The following PCDHA5 variants were observed in gnomAD, a reference collection of about 807,000 sequenced individuals.
PCDHA5 encodes the protein protocadherin alpha-5.
PCDHA5 carries 43 observed loss-of-function variants against 61.6 expected under a neutral mutation model. The observed-to-expected ratio is 0.70, with a 90% CI of 0.55 to 0.90. The LOEUF is 0.90. PCDHA5 is among the 40% of genes least tolerant of loss of function. The pLI is 0.00. For synonymous variants in PCDHA5, 627 were observed against 543.9 expected (o/e 1.15, Z -2.13); for missense variants, 1,298 against 1,222.7 (o/e 1.06, Z -0.92).
chr5:140,872,346 G>A (rs2053606612), intron 1 of PCDHA5, among the ~76,000 whole-genome samples: 1 of 152,022 alleles, frequency 6.6e-6, no homozygotes, highest in Admixed American at 6.6e-5. Context: ...ACATGTTCTT[G>A]CCAGGCAAAG....
chr5:140,833,120 T>G (rs1772308754), intron 1 of PCDHA5, among the ~76,000 whole-genome samples: 3 of 152,202 alleles, frequency 2.0e-5, no homozygotes, highest in Non-Finnish European at 4.4e-5. Context: ...TCAAAGTCAT[T>G]TGAAAGCTGT....
In PCDHA5 at chr5:140,857,092, G is replaced by A; in HGVS notation, c.2352+32965G>A. On this transcript the variant is annotated intron_variant, in intron 1 of 3. Coordinates refer to ENST00000529859, the MANE Select transcript of PCDHA5 (RefSeq NM_018908.3). ...TGGATGAAAATGATAATTCACCTGA[G>A]GTGATTGTCACTTCTCTGTCTCTCC... 5 of 1,597,300 alleles carry A rather than the reference G, an allele frequency of 3.1e-6. 1 individual carries two copies. Among genetic ancestry groups the A allele is most frequent in the Non-Finnish European group, 4.3e-6 (5 of 1,166,936 alleles).
chr5:140,914,590 T>C (rs886666163), intron 1 of PCDHA5, among the ~76,000 whole-genome samples: 1 of 152,208 alleles, frequency 6.6e-6, no homozygotes, highest in African/African-American at 2.4e-5. Flanking sequence ...TTCATTTAAG[T>C]AGGAACTTCC....
chr5:140,960,395 AG>A (rs562972971), intron 1 of PCDHA5, among the ~76,000 whole-genome samples: 1 of 152,150 alleles, frequency 6.6e-6, no homozygotes, highest in African/African-American at 2.4e-5. Context: ...TTAGGATGCA[AG>A]GGGGGGTGCC....
chr5:140,985,498 C>G (rs540282855), intron 3 of PCDHA5, among the ~76,000 whole-genome samples: 2 of 152,274 alleles, frequency 1.3e-5, no homozygotes, highest in African/African-American at 4.8e-5. Flanking sequence ...ATAGAGCCTG[C>G]CTTTCATTGA....
intron 1 of PCDHA5, chr5:140,828,674 T>C: frequency 6.2e-7 from 1 of 1,614,218 alleles, no homozygotes; most frequent in Non-Finnish European, 8.5e-7. Context: ...AATTGGGCTC[T>C]TATTAAAGAA....
At position 140,883,390 on chromosome 5, in the gene PCDHA5, G is replaced by A. The variant is rs373348994; in HGVS notation, c.2352+59263G>A. The A allele has an allele frequency of 2.5e-6, 4 of 1,614,050 alleles. No homozygotes were observed. The African/African-American group carries it at 5.3e-5, about 22-fold the overall frequency. ...GCGCCATTATTGCCCTAATCAGTGT[G>A]TCCGATCGTGACTCTGGCTCAAATG... is the stretch of plus-strand genomic sequence containing the variant. On this transcript the variant is annotated intron_variant, in intron 1 of 3. Coordinates refer to ENST00000529859, the MANE Select transcript of PCDHA5 (RefSeq NM_018908.3).
intron 1 of PCDHA5, chr5:140,829,202 C>T (rs2150163765): frequency 5.0e-6 from 8 of 1,614,106 alleles, no homozygotes; most frequent in Non-Finnish European, 3.4e-6. Context: ...TGTCATCGCC[C>T]TAATTAGCGT....
chr5:140,947,645 A>G (rs1373528004), intron 1 of PCDHA5, among the ~76,000 whole-genome samples: 2 of 151,670 alleles, frequency 1.3e-5, no homozygotes, highest in African/African-American at 2.4e-5. Flanking sequence ...GTATGAACAT[A>G]TATACCTCCA....
intron 1 of PCDHA5, among the ~76,000 whole-genome samples, chr5:140,901,632 G>A (rs768343428): frequency 6.6e-5 from 10 of 152,172 alleles, no homozygotes; most frequent in Non-Finnish European, 1.3e-4. Flanking sequence ...GTCAGGTAAT[G>A]TGATTCTTCC....
rs546510910 is a variant in PCDHA5, at chr5:140,894,996, C to G, written c.2352+70869C>G. ...GTCTTACTTTGTGACATCCTTTACC[C>G]TTTTTACTTGGACCTTTTTCCTTTG... is the stretch of plus-strand genomic sequence containing the variant. On this transcript the variant is annotated intron_variant, in intron 1 of 3. Transcript: ENST00000529859. Among the ~76,000 whole-genome samples, 5 of 152,204 alleles carry G rather than the reference C, an allele frequency of 3.3e-5. No homozygotes were observed. The East Asian group carries it at 9.6e-4, about 29-fold the overall frequency.
At chr5:140,896,019 C>A (rs2065310725) in intron 1 of PCDHA5, among the ~76,000 whole-genome samples, 1 of 152,144 alleles carries the variant, frequency 6.6e-6, no homozygotes, top group African/African-American at 2.4e-5. Flanking sequence ...CCATGTTGGC[C>A]AGGCTGGTCT....
intron 1 of PCDHA5, chr5:140,875,562 G>A (rs2055601257): frequency 6.2e-7 from 1 of 1,614,120 alleles, no homozygotes; most frequent in Non-Finnish European, 8.5e-7. Context: ...GGAGCGGCCA[G>A]CTCCACTACT....
At chr5:140,986,052 C>A (rs896963006) in intron 3 of PCDHA5, among the ~76,000 whole-genome samples, 3 of 152,066 alleles carry the variant, frequency 2.0e-5, no homozygotes, top group Admixed American at 1.3e-4. Flanking sequence ...CTGATGAATT[C>A]TTTTGCTTTT....
rs2150483646 is a variant in PCDHA5 at position 140,850,423 on chromosome 5, C to G, written c.2352+26296C>G. ...CGTGCCCTGGACGAAACGGACGCAC[C>G]GCGCCAGCGCCTACTGGTGCTGGTG... is the stretch of plus-strand genomic sequence containing the variant. On this transcript the variant is annotated intron_variant, in intron 1 of 3. Transcript: ENST00000529859. 10 of 1,597,882 alleles carry G rather than the reference C, an allele frequency of 6.3e-6. 2 individuals are homozygous for G. Among genetic ancestry groups the G allele is most frequent in the Non-Finnish European group, 7.7e-6 (9 of 1,167,708 alleles).
In PCDHA5 at chr5:141,012,192, T is replaced by TA. The variant is rs1424309622; in HGVS notation, c.*2256dup. 1 of 153,796 alleles carries TA rather than the reference T, an allele frequency of 6.5e-6. No homozygotes were observed. The highest frequency in any genetic ancestry group is 6.5e-5 in the Admixed American group (1 of 15,282). The allele number at this position is 153,796 out of a possible 1,614,324, so 9.5% of individuals were successfully genotyped here. ...AATGATGATAATTATAATGTATCTGTACAGCACTTTTTACATTTGCGAAGT... is the reference window on the plus strand; with the variant it reads ...AATGATGATAATTATAATGTATCTGTAACAGCACTTTTTACATTTGCGAAGT... On this transcript the variant is annotated 3_prime_UTR_variant, in exon 4 of 4. Transcript: ENST00000529859.
At chr5:140,862,305 C>T (rs953461441) in intron 1 of PCDHA5, 3 of 278,650 alleles carry the variant, frequency 1.1e-5, no homozygotes, top group Non-Finnish European at 2.1e-5. Flanking sequence ...CCACTGGGTA[C>T]CGTCATAGCC....
At chr5:140,913,166 G>C (rs1357125827) in intron 1 of PCDHA5, among the ~76,000 whole-genome samples, 2 of 152,160 alleles carry the variant, frequency 1.3e-5, no homozygotes, top group African/African-American at 4.8e-5. Flanking sequence ...ATTGGTATTA[G>C]TTCTTCTTTA....
In PCDHA5 at chr5:140,829,954, G is replaced by A. The variant is rs2150178517; in HGVS notation, c.2352+5827G>A. 14 of 1,613,992 alleles carry A rather than the reference G, an allele frequency of 8.7e-6. No individual in the cohort carries two copies. In the South Asian group the frequency reaches 9.9e-5, roughly 11 times the overall value. ...CCCCGGCAAGCAGCGCTCGCTTCCC[G>A]TTTCGCGTGGGGCTGTACACGGGCG... On this transcript the variant is annotated intron_variant, in intron 1 of 3. Transcript: ENST00000529859.
Sources: gnomAD v4.1 joint callset for allele counts (sites outside exome capture counted in the v4.1 genomes callset) on GRCh38, gnomAD v4.1.1 for gene constraint, MANE v1.5 for transcripts, NCBI Gene and HGNC (gene_info 2026-07-23, HGNC 2026-07-21) for gene names.